The following ZBTB46 variants were observed in gnomAD, a reference collection of about 807,000 sequenced individuals.
ZBTB46 encodes zinc finger and BTB domain containing 46, also known as zinc finger and BTB domain-containing protein 46.
In ZBTB46, 8 loss-of-function variants were observed where a neutral mutation model predicts 44.1. The observed-to-expected ratio is 0.18, with a 90% CI of 0.11 to 0.33. ZBTB46 has a LOEUF of 0.33. ZBTB46 is among the 10% of genes least tolerant of loss of function. The probability of loss-of-function intolerance (pLI) is 1.00; values close to 1 mark genes in which losing one functional copy is unlikely to be tolerated. For missense variants in ZBTB46, 651 were observed against 847.7 expected (o/e 0.77, Z 2.88); for synonymous variants, 409 against 382.3 (o/e 1.07, Z -0.81).
In ZBTB46 at chr20:63,771,550, C is replaced by G. The variant is rs914821771; in HGVS notation, c.1222+4128G>C. 3.3e-5 allele frequency among the ~76,000 whole-genome samples: 5 copies of G among 152,236 alleles called. 1 individual carries two copies. The East Asian group carries it at 9.7e-4, about 29-fold the overall frequency. ...CGATCAGCGTCCACCTGGGTACCGG[C>G]GAGTGGGGCTACGCCGTGAACTCTG... is the stretch of plus-strand genomic sequence containing the variant. On this transcript the variant is annotated intron_variant, in intron 3 of 4. Coordinates refer to ENST00000245663, the MANE Select transcript of ZBTB46 (RefSeq NM_001369741.1).
rs939253571 is a variant in ZBTB46, at chr20:63,786,492, T to C, written c.937+3329A>G. 2.0e-5 allele frequency among the ~76,000 whole-genome samples: 3 copies of C among 151,816 alleles called. No homozygotes were observed. In the South Asian group the frequency reaches 6.2e-4, roughly 32 times the overall value. On this transcript the variant is annotated intron_variant, in intron 2 of 4. Transcript: ENST00000245663. ...GAGTTAAACCAACTGCTGTTTTTTGTTTGTTTTGAGGTTTTTTGATTTGTT... is the reference window on the plus strand; with the variant it reads ...GAGTTAAACCAACTGCTGTTTTTTGCTTGTTTTGAGGTTTTTTGATTTGTT...
At chr20:63,786,760 T>G (rs528535313) in intron 2 of ZBTB46, among the ~76,000 whole-genome samples, 1 of 152,286 alleles carries the variant, frequency 6.6e-6, no homozygotes, top group Non-Finnish European at 1.5e-5. Flanking sequence ...TCCGCCCGCC[T>G]TGGCCTCCCA....
In ZBTB46 at chr20:63,824,447, CA is replaced by C. The variant is rs2092809501; in HGVS notation, c.-34+6649del. Among the ~76,000 whole-genome samples, 4 of 152,276 alleles carry C rather than the reference CA, an allele frequency of 2.6e-5. No individual in the cohort carries two copies. In the South Asian group the frequency reaches 8.3e-4, roughly 32 times the overall value. ...GGCCACACCAAGACAAGAAAGACTA[CA>C]GACCATGTTGTCTTGAAAGCTAATT... On this transcript the variant is annotated intron_variant, in intron 1 of 4. Transcript: ENST00000245663.
At chr20:63,821,361 C>A (rs2092791326) in intron 1 of ZBTB46, among the ~76,000 whole-genome samples, 1 of 151,326 alleles carries the variant, frequency 6.6e-6, no homozygotes, top group Admixed American at 6.6e-5. Context: ...CTGTGTTGCC[C>A]AGGGTGGCCT....
Position 63,803,917 on chromosome 20 carries a change from T to G in ZBTB46, c.-33-13127A>C, listed in dbSNP as rs975664756. On this transcript the variant is annotated intron_variant, in intron 1 of 4. Coordinates refer to ENST00000245663, the MANE Select transcript of ZBTB46 (RefSeq NM_001369741.1). The surrounding 1 kb of genome is among the most constrained non-coding windows in gnomAD (Gnocchi z 4.0). ...ACGGGGTTCTGTCGTGTTGCCCAGG[T>G]TGGTCTTGAATTCCTAAACGAACCT... 6.6e-6 allele frequency among the ~76,000 whole-genome samples: 1 copy of G among 152,152 alleles called. No homozygotes were observed. Among genetic ancestry groups the G allele is most frequent in the Non-Finnish European group, 1.5e-5 (1 of 68,024 alleles).
At chr20:63,820,569 G>GGAT (rs2092786359) in intron 1 of ZBTB46, among the ~76,000 whole-genome samples, 1 of 150,546 alleles carries the variant, frequency 6.6e-6, no homozygotes, top group Non-Finnish European at 1.5e-5. Context: ...CCGAGTAGCT[G>GGAT]GATTACAGGC....
At chr20:63,831,306 G>GCGCGCGCC (rs1555861316), upstream of ZBTB46, 1 of 137,642 alleles carries the variant, frequency 7.3e-6, no homozygotes, top group Non-Finnish European at 1.6e-5. Flanking sequence ...CGCCGCCCGC[G>GCGCGCGCC]CGCGCGCGCC....
rs59810640 is a variant in ZBTB46, at chr20:63,791,495, C to CAAA, written c.-33-708_-33-706dup. On this transcript the variant is annotated intron_variant, in intron 1 of 4. Transcript: ENST00000245663. ...TGGGCGACAGGGCGAGACTCCATCT[C>CAAA]AAAAAAAAAAAAAAAAAAAAAAAAC... Among the ~76,000 whole-genome samples the CAAA allele has an allele frequency of 1.8e-3, 112 of 60,898 alleles. 3 individuals carry two copies. Among genetic ancestry groups the CAAA allele is most frequent in the Middle Eastern group, 0.017 (2 of 118 alleles). The allele number at this position is 60,898 out of a possible 152,430, so 40.0% of individuals were successfully genotyped here.
At chr20:63,808,728 A>G (rs2092698265) in intron 1 of ZBTB46, among the ~76,000 whole-genome samples, 2 of 152,168 alleles carry the variant, frequency 1.3e-5, no homozygotes, top group South Asian at 4.1e-4. Flanking sequence ...TAATCCCAGC[A>G]CTTTGGGAGG....
chr20:63,750,541 C>T (rs1161338589), intron 4 of ZBTB46, among the ~76,000 whole-genome samples: 2 of 152,056 alleles, frequency 1.3e-5, no homozygotes, highest in Non-Finnish European at 2.9e-5. Context: ...ACTTGGCTTT[C>T]CATATGTTAT....
chr20:63,780,224 T>TCA (rs1179011432), intron 2 of ZBTB46, among the ~76,000 whole-genome samples: 1 of 149,046 alleles, frequency 6.7e-6, no homozygotes, highest in Non-Finnish European at 1.5e-5. Flanking sequence ...TGAGCCGAGA[T>TCA]CACACCATTG....
chr20:63,796,696 G>A (rs1287601567), intron 1 of ZBTB46, among the ~76,000 whole-genome samples: 2 of 151,994 alleles, frequency 1.3e-5, no homozygotes, highest in Non-Finnish European at 2.9e-5. Context: ...GTGATGGCAG[G>A]CGCCTGTAAT....
chr20:63,768,293 C>T (rs535041211), intron 3 of ZBTB46, among the ~76,000 whole-genome samples: 11 of 152,318 alleles, frequency 7.2e-5, no homozygotes, highest in Non-Finnish European at 1.3e-4. Flanking sequence ...GGCACCGAGG[C>T]TCATCCTAGC....
rs1168074584 is a variant in ZBTB46 at position 63,775,554 on chromosome 20, AG to A, written c.1222+123del. ...CGCATCCTCACCTCCCGCAACAGGG[AG>A]GTCAGCAGGCGGCCGAGCAGCAGGG... On this transcript the variant is annotated intron_variant, in intron 3 of 4. Transcript: ENST00000245663. The A allele has an allele frequency of 2.3e-6, 3 of 1,289,680 alleles. No homozygotes were observed. The African/African-American group carries it at 4.5e-5, about 19-fold the overall frequency. 79.9% of individuals were successfully genotyped at this position (1,289,680 alleles called of 1,614,324 possible).
At chr20:63,800,876 C>T (rs1006745380) in intron 1 of ZBTB46, among the ~76,000 whole-genome samples, 8 of 152,242 alleles carry the variant, frequency 5.3e-5, no homozygotes, top group African/African-American at 1.9e-4. Context: ...CCTGCTCTAC[C>T]GCGCTGGGTC....
Position 63,744,852 on chromosome 20 carries a change from A to G in ZBTB46, c.*2078T>C, listed in dbSNP as rs552442575. ...CGGCCAGATGGAGCAGGACATCCTG[A>G]GTGTGGAGGGGGAGGCGGGCCTGGG... On this transcript the variant is annotated 3_prime_UTR_variant, in exon 5 of 5. Transcript: ENST00000245663. 3.2e-4 allele frequency: 49 copies of G among 152,416 alleles called. No individual in the cohort carries two copies. Among genetic ancestry groups the G allele is most frequent in the Non-Finnish European group, 5.4e-4 (37 of 68,084 alleles). The allele number at this position is 152,416 out of a possible 1,614,324, so 9.4% of individuals were successfully genotyped here.
chr20:63,807,639 C>A (rs1383294021), intron 1 of ZBTB46, among the ~76,000 whole-genome samples: 1 of 152,272 alleles, frequency 6.6e-6, no homozygotes, highest in Non-Finnish European at 1.5e-5. Context: ...GCCACCGCGC[C>A]CGGCCTTCAG....
rs2092659287 is a variant in ZBTB46, at chr20:63,803,031, C to T, written c.-33-12241G>A. Among the ~76,000 whole-genome samples, 1 of 152,192 alleles carries T rather than the reference C, an allele frequency of 6.6e-6. No individual in the cohort carries two copies. Among genetic ancestry groups the T allele is most frequent in the African/African-American group, 2.4e-5 (1 of 41,450 alleles). ...GTTTCTACCACCAAAGAGCGCGATG[C>T]CACAGACGCCAACAGGAGGAAACAC... On this transcript the variant is annotated intron_variant, in intron 1 of 4. Coordinates refer to ENST00000245663, the MANE Select transcript of ZBTB46 (RefSeq NM_001369741.1). The surrounding 1 kb of genome is among the most constrained non-coding windows in gnomAD (Gnocchi z 4.0).
chr20:63,773,080 A>T (rs1441335407), intron 3 of ZBTB46, among the ~76,000 whole-genome samples: 2 of 152,166 alleles, frequency 1.3e-5, no homozygotes, highest in African/African-American at 2.4e-5. Context: ...GGTGAAATCG[A>T]CATCTTCTGC....
Sources: gnomAD v4.1 joint callset for allele counts (sites outside exome capture counted in the v4.1 genomes callset) on GRCh38, gnomAD v4.1.1 for gene constraint, Gnocchi (gnomAD v3.1) non-coding constraint, MANE v1.5 for transcripts, NCBI Gene and HGNC (gene_info 2026-07-23, HGNC 2026-07-21) for gene names.